Variants in RAB20 observed in about 807,000 individuals in gnomAD.
RAB20 encodes RAB20, member RAS oncogene family.
In RAB20, 2 loss-of-function variants were observed where a neutral mutation model predicts 3.7. The observed-to-expected ratio is 0.54, with a 90% confidence interval of 0.22 to 1.69. The LOEUF (loss-of-function observed/expected upper bound fraction) is 1.69, where lower values mean the gene tolerates loss of function less well. Ranked by LOEUF, RAB20 falls within the 40% of genes most tolerant of loss-of-function variation. The pLI is 0.19. For missense variants in RAB20, 276 were observed against 311.9 expected, an observed-to-expected ratio of 0.88 and a Z score of 0.87; for synonymous variants, 126 against 130.8, an observed-to-expected ratio of 0.96 and a Z score of 0.25.
At chr13:110,530,803 TAC>T in intron 1 of RAB20, among the ~76,000 whole-genome samples, 2 of 151,412 alleles carry the variant, frequency 1.3e-5, no homozygotes, top group Non-Finnish European at 3.0e-5. Context: ...ACCCCACCTC[TAC>T]ACAGACACAG....
intron 1 of RAB20, among the ~76,000 whole-genome samples, chr13:110,527,276 CACAGAG>C (rs1462821676): frequency 3.9e-5 from 6 of 152,052 alleles, no homozygotes; most frequent in African/African-American, 1.2e-4. Context: ...GAGAGGCGCC[CACAGAG>C]ACACACACTC....
rs146495598 is a variant in RAB20, at chr13:110,537,138, G to A, written c.173-12941C>T. Among the ~76,000 whole-genome samples the A allele has an allele frequency of 8.8e-3, 1,337 of 151,726 alleles. 23 individuals are homozygous for A. Among genetic ancestry groups the A allele is most frequent in the African/African-American group, 0.031 (1,277 of 41,330 alleles). On this transcript the variant is annotated intron_variant, in intron 1 of 1. Transcript: ENST00000267328. ...TGGGACTACAGGCTCACGCCACTAC[G>A]CCTGGGTAATTTTTATTTTTATTTT...
At chr13:110,557,604 C>T (rs922299554) in intron 1 of RAB20, among the ~76,000 whole-genome samples, 1 of 152,256 alleles carries the variant, frequency 6.6e-6, no homozygotes. Flanking sequence ...TGGCTTCAGG[C>T]TCCCACAGAC....
intron 1 of RAB20, among the ~76,000 whole-genome samples, chr13:110,529,273 G>A (rs182270364): frequency 2.6e-5 from 4 of 152,318 alleles, no homozygotes; most frequent in East Asian, 3.9e-4. Context: ...GCTCTGAGCC[G>A]GGCCGTCAGC....
chr13:110,523,722 T>C lies in RAB20; in HGVS notation c.648A>G (p.Thr216=). ...GTGGCTTATGACTGGATATATCCAC[T>C]GTGTGTGACGGCCTCTCAGCTCTCT... ...LQQRAERPSH[T]VDISSHKPPK... The change falls in exon 2 of 2, where the codon ACA becomes ACG. Residue 216 remains threonine (T), a synonymous_variant. Transcript: ENST00000267328. 1 of 1,614,178 alleles carries C rather than the reference T, an allele frequency of 6.2e-7. No individual in the cohort carries two copies. Among genetic ancestry groups the C allele is most frequent in the Non-Finnish European group, 8.5e-7 (1 of 1,180,048 alleles).
intron 1 of RAB20, among the ~76,000 whole-genome samples, chr13:110,536,484 C>G (rs992250502): frequency 6.6e-6 from 1 of 152,202 alleles, no homozygotes; most frequent in African/African-American, 2.4e-5. Flanking sequence ...GTTGCCTCCC[C>G]ACTTCCTCTC....
intron 1 of RAB20, among the ~76,000 whole-genome samples, chr13:110,558,572 C>G (rs1344905864): frequency 1.3e-5 from 2 of 151,328 alleles, no homozygotes; most frequent in African/African-American, 4.9e-5. Context: ...TTAGTAGACA[C>G]GGGTTCACCA....
intron 1 of RAB20, among the ~76,000 whole-genome samples, chr13:110,528,493 G>T (rs956879526): frequency 2.6e-5 from 4 of 151,570 alleles, no homozygotes; most frequent in African/African-American, 9.7e-5. Context: ...TTTTGTTTCA[G>T]GGACACTAAT....
chr13:110,523,893 T>G lies in RAB20; in HGVS notation c.477A>C (p.Lys159Asn). ...CCAGCATCTTGTACTTGAGGATCTT[T>G]TTATAAAGGGCCACCGCATCCTCCA... ...VQLEDAVALY[K>N]KILKYKMLDE... Residue 159 changes from lysine (K) to asparagine (N), a missense_variant, in exon 2 of 2, where the codon AAA becomes AAC. By Grantham distance (94) the Lys-to-Asn change is moderately conservative (BLOSUM62 0). Coordinates refer to ENST00000267328, the MANE Select transcript of RAB20 (RefSeq NM_017817.3). 1 of 1,614,170 alleles carries G rather than the reference T, an allele frequency of 6.2e-7. No homozygotes were observed. The highest frequency in any genetic ancestry group is 8.5e-7 in the Non-Finnish European group (1 of 1,180,036).
chr13:110,530,713 G>T (rs1270590078), intron 1 of RAB20, among the ~76,000 whole-genome samples: 1 of 132,930 alleles, frequency 7.5e-6, no homozygotes, highest in Non-Finnish European at 1.6e-5. Flanking sequence ...CCTCTACGCA[G>T]ACACAGGGCC....
At chr13:110,560,697 T>C (rs543319392) in intron 1 of RAB20, among the ~76,000 whole-genome samples, 1 of 152,282 alleles carries the variant, frequency 6.6e-6, no homozygotes, top group Non-Finnish European at 1.5e-5. Flanking sequence ...GTTGTACTTT[T>C]GAAAAGTCAC....
At chr13:110,536,825 A>C (rs1432108443) in intron 1 of RAB20, among the ~76,000 whole-genome samples, 1 of 150,318 alleles carries the variant, frequency 6.7e-6, no homozygotes, top group Non-Finnish European at 1.5e-5. Context: ...ACATGTGCAC[A>C]ACGTGCAGGT....
intron 1 of RAB20, among the ~76,000 whole-genome samples, chr13:110,526,151 G>A (rs1477432729): frequency 6.6e-6 from 1 of 151,816 alleles, no homozygotes; most frequent in African/African-American, 2.4e-5. Context: ...TGGCCTCCCG[G>A]GCCATGCCCT....
At chr13:110,527,705 C>T (rs982823858) in intron 1 of RAB20, among the ~76,000 whole-genome samples, 13 of 152,256 alleles carry the variant, frequency 8.5e-5, no homozygotes, top group Non-Finnish European at 1.8e-4. Flanking sequence ...GACTGGACCC[C>T]AGCAGGCAGA....
Position 110,523,477 on chromosome 13 carries a change from A to T in RAB20, c.*188T>A. On this transcript the variant is annotated 3_prime_UTR_variant, in exon 2 of 2. Transcript: ENST00000267328. ...TTTCCCACCTCCCCACCCCTCTGAC[A>T]GAGACTGAGGAGACCACACACGTTG... 8.9e-7 allele frequency: 1 copy of T among 1,127,806 alleles called. No individual in the cohort carries two copies. Among genetic ancestry groups the T allele is most frequent in the Non-Finnish European group, 1.2e-6 (1 of 820,030 alleles). 69.9% of individuals were successfully genotyped at this position (1,127,806 alleles called of 1,614,324 possible).
chr13:110,544,439 T>A (rs1884817846), intron 1 of RAB20, among the ~76,000 whole-genome samples: 1 of 152,234 alleles, frequency 6.6e-6, no homozygotes, highest in Non-Finnish European at 1.5e-5. Flanking sequence ...CTGTAAAAAA[T>A]GCCATTGGAA....
intron 1 of RAB20, among the ~76,000 whole-genome samples, chr13:110,531,412 G>T (rs777109054): frequency 7.2e-5 from 11 of 152,214 alleles, no homozygotes; most frequent in Non-Finnish European, 1.6e-4. Flanking sequence ...CGGCTAATTC[G>T]CTGGGCAGGG....
At chr13:110,548,819 G>A (rs549989597) in intron 1 of RAB20, among the ~76,000 whole-genome samples, 4 of 152,186 alleles carry the variant, frequency 2.6e-5, no homozygotes, top group East Asian at 1.9e-4. Flanking sequence ...CATCTGCACC[G>A]AGAGGTGAGG....
chr13:110,535,077 C>G (rs1356636709), intron 1 of RAB20, among the ~76,000 whole-genome samples: 1 of 152,192 alleles, frequency 6.6e-6, no homozygotes, highest in East Asian at 1.9e-4. Flanking sequence ...CAAGTGATCC[C>G]CCCGCTTTGC....
Sources: allele counts gnomAD v4.1 joint callset (sites outside exome capture counted in the v4.1 genomes callset), GRCh38; gene constraint gnomAD v4.1.1; transcripts MANE v1.5; gene names NCBI Gene and HGNC (gene_info 2026-07-23, HGNC 2026-07-21).